The following LHFPL6 variants were observed in gnomAD, a reference collection of about 807,000 sequenced individuals.
LHFPL6 encodes the protein LHFPL tetraspan subfamily member 6, also known as LHFPL tetraspan subfamily member 6 protein.
A neutral mutation model predicts 20.6 loss-of-function variants in LHFPL6; 9 were observed. That is an observed-to-expected ratio of 0.44 (90% confidence interval 0.26 to 0.76). The LOEUF (loss-of-function observed/expected upper bound fraction) is 0.76, where lower values mean the gene tolerates loss of function less well. LHFPL6 is among the 30% of genes least tolerant of loss of function. LHFPL6 has a pLI of 0.20. For synonymous variants in LHFPL6, 105 were observed against 98.7 expected (o/e 1.06, Z -0.38); for missense variants, 218 against 253.5 (o/e 0.86, Z 0.95).
intron 2 of LHFPL6, among the ~76,000 whole-genome samples, chr13:39,443,719 C>G (rs1173497983): frequency 1.3e-5 from 2 of 151,606 alleles, no homozygotes; most frequent in South Asian, 4.2e-4. Flanking sequence ...ATAGATGGTC[C>G]CCAACTTAAA....
chr13:39,364,449 G>C (rs1447874462), intron 3 of LHFPL6, among the ~76,000 whole-genome samples: 1 of 152,174 alleles, frequency 6.6e-6, no homozygotes, highest in Non-Finnish European at 1.5e-5. Flanking sequence ...GGAAGCACAT[G>C]CCATGGAAAG....
At chr13:39,568,303 A>T (rs891697997) in intron 2 of LHFPL6, among the ~76,000 whole-genome samples, 4 of 152,128 alleles carry the variant, frequency 2.6e-5, no homozygotes, top group African/African-American at 9.7e-5. Context: ...TATGATATAG[A>T]ATATAAACTT....
intron 2 of LHFPL6, among the ~76,000 whole-genome samples, chr13:39,544,895 A>C (rs2138507030): frequency 6.6e-6 from 1 of 152,148 alleles, no homozygotes; most frequent in Admixed American, 6.5e-5. Context: ...CTTACTACAA[A>C]TAGGCAAACA....
chr13:39,469,920 T>C (rs1278000493), intron 2 of LHFPL6, among the ~76,000 whole-genome samples: 3 of 152,182 alleles, frequency 2.0e-5, no homozygotes, highest in Admixed American at 6.5e-5. Flanking sequence ...GCATCGCTAC[T>C]ACACTAGAGA....
At position 39,422,515 on chromosome 13, in the gene LHFPL6, G is replaced by C. The variant is rs76863124; in HGVS notation, c.386-43989C>G. ...ACAGGAGAATTGCTTGAACCTAGGA[G>C]GCGGCAGTTGCAGTGAGCTGAGATG... On this transcript the variant is annotated intron_variant, in intron 2 of 3. Transcript: ENST00000379589. Among the ~76,000 whole-genome samples the C allele has an allele frequency of 0.011, 1,616 of 150,926 alleles. 102 individuals are homozygous for C. In the East Asian group the frequency reaches 0.18, roughly 17 times the overall value.
At chr13:39,355,074 T>G (rs1214258555) in intron 3 of LHFPL6, among the ~76,000 whole-genome samples, 2 of 147,726 alleles carry the variant, frequency 1.4e-5, no homozygotes, top group African/African-American at 5.0e-5. Flanking sequence ...CAAGGTACCA[T>G]ACTAGATGCA....
Position 39,352,874 on chromosome 13 carries a change from T to C in LHFPL6, c.485-8820A>G, listed in dbSNP as rs1421861467. 1.2e-3 allele frequency among the ~76,000 whole-genome samples: 67 copies of C among 54,792 alleles called. 1 individual carries two copies. Among genetic ancestry groups the C allele is most frequent in the African/African-American group, 3.1e-3 (49 of 15,942 alleles). 35.9% of individuals were successfully genotyped at this position (54,792 alleles called of 152,430 possible). A position where few individuals can be genotyped will look rare whatever the true frequency, so the allele number is the denominator to read the frequency against. On this transcript the variant is annotated intron_variant, in intron 3 of 3. Coordinates refer to ENST00000379589, the MANE Select transcript of LHFPL6 (RefSeq NM_005780.3). ...AAATGTATATATATGTGTATATATA[T>C]ATATAAATGTATATATATGTGTATA...
intron 3 of LHFPL6, among the ~76,000 whole-genome samples, chr13:39,359,791 G>GA (rs80044033): frequency 0.046 from 6,691 of 146,672 alleles, 262 homozygotes; most frequent in South Asian, 0.16. Context: ...CATTGAAAAA[G>GA]AAAAAAAAAA....
intron 2 of LHFPL6, among the ~76,000 whole-genome samples, chr13:39,456,659 T>G (rs978772831): frequency 2.0e-5 from 3 of 152,182 alleles, no homozygotes; most frequent in Non-Finnish European, 4.4e-5. Context: ...CAGCTAGATA[T>G]CTGCATGGAA....
chr13:39,416,145 T>G (rs1342087095), intron 2 of LHFPL6, among the ~76,000 whole-genome samples: 2 of 152,146 alleles, frequency 1.3e-5, no homozygotes, highest in Admixed American at 1.3e-4. Context: ...CTGACGTCTT[T>G]GATGAGAGTA....
intron 2 of LHFPL6, among the ~76,000 whole-genome samples, chr13:39,406,497 T>C (rs1871114343): frequency 1.3e-5 from 2 of 152,206 alleles, no homozygotes; most frequent in South Asian, 2.1e-4. Flanking sequence ...ATTGCCTCAA[T>C]TGTTTGAGTA....
chr13:39,470,401 C>T (rs1566118776), intron 2 of LHFPL6, among the ~76,000 whole-genome samples: 1 of 151,866 alleles, frequency 6.6e-6, no homozygotes, highest in Admixed American at 6.6e-5. Flanking sequence ...ACTTTCTAAT[C>T]ATTATTATAT....
chr13:39,428,590 C>A (rs1385407111), intron 2 of LHFPL6, among the ~76,000 whole-genome samples: 3 of 152,096 alleles, frequency 2.0e-5, no homozygotes, highest in Non-Finnish European at 2.9e-5. Flanking sequence ...TTCTACTCTT[C>A]TTTTTCTTCA....
In LHFPL6 at chr13:39,580,283, TA is replaced by T. The variant is rs780260946; in HGVS notation, c.385+20548del. Among the ~76,000 whole-genome samples, 11 of 148,572 alleles carry T rather than the reference TA, an allele frequency of 7.4e-5. No homozygotes were observed. In the East Asian group the frequency reaches 9.8e-4, roughly 13 times the overall value. The stretch of plus-strand genomic sequence containing the variant: ...AAACCCATTATGTGGTGACAGGTGT[TA>T]AAAAAAAAACTTGTCCAGACACTGA... On this transcript the variant is annotated intron_variant, in intron 2 of 3. Coordinates refer to ENST00000379589, the MANE Select transcript of LHFPL6 (RefSeq NM_005780.3).
intron 2 of LHFPL6, among the ~76,000 whole-genome samples, chr13:39,495,593 C>T (rs1485165325): frequency 1.4e-5 from 2 of 142,240 alleles, no homozygotes; most frequent in Admixed American, 7.3e-5. Context: ...CTTTCAACGA[C>T]CATACTAGGC....
intron 2 of LHFPL6, among the ~76,000 whole-genome samples, chr13:39,474,786 A>G (rs1007847641): frequency 2.6e-5 from 4 of 152,072 alleles, no homozygotes; most frequent in Non-Finnish European, 4.4e-5. Context: ...GGGGCAGGCC[A>G]GTACCACAGA....
At chr13:39,487,535 T>C (rs758648206) in intron 2 of LHFPL6, among the ~76,000 whole-genome samples, 18 of 152,234 alleles carry the variant, frequency 1.2e-4, no homozygotes, top group Non-Finnish European at 2.5e-4. Flanking sequence ...TGAAGTGTTC[T>C]TACGAATTAA....
At chr13:39,497,034 G>A (rs896062478) in intron 2 of LHFPL6, among the ~76,000 whole-genome samples, 5 of 152,196 alleles carry the variant, frequency 3.3e-5, no homozygotes, top group Non-Finnish European at 7.3e-5. Flanking sequence ...TGTGGAGCTA[G>A]AAAAACAAAA....
At chr13:39,365,935 C>G (rs1261557532) in intron 3 of LHFPL6, among the ~76,000 whole-genome samples, 2 of 152,140 alleles carry the variant, frequency 1.3e-5, no homozygotes, top group Non-Finnish European at 1.5e-5. Context: ...TACTGGGTAT[C>G]AAAATACTAA....
Sources: allele counts gnomAD v4.1 joint callset (sites outside exome capture counted in the v4.1 genomes callset), GRCh38; gene constraint gnomAD v4.1.1; transcripts MANE v1.5; gene names NCBI Gene and HGNC (gene_info 2026-07-23, HGNC 2026-07-21).